The following TBC1D10A variants were observed in gnomAD, a reference collection of about 807,000 sequenced individuals.
TBC1D10A encodes the protein TBC1 domain family member 10A, also known as EBP50-PDX interactor of 64 kDa.
TBC1D10A carries 24 observed loss-of-function variants against 52.9 expected under a neutral mutation model. The observed-to-expected ratio is 0.45, with a 90% CI of 0.33 to 0.64. The LOEUF (loss-of-function observed/expected upper bound fraction) is 0.64, where lower values mean the gene tolerates loss of function less well. Ranked by LOEUF, TBC1D10A falls within the 30% of genes least tolerant of loss-of-function variation. The pLI is 0.02. For synonymous variants in TBC1D10A, 278 were observed against 282.9 expected (o/e 0.98, Z 0.17); for missense variants, 602 against 687.9 (o/e 0.88, Z 1.40).
At chr22:30,294,157 G>T (rs751643740) in intron 6 of TBC1D10A, 47 bp from the exon 7 acceptor site, 2 of 1,598,780 alleles carry the variant, frequency 1.3e-6, no homozygotes, top group Non-Finnish European at 1.7e-6. Context: ...GGCTGCAGGA[G>T]CCAGGGCAGA....
intron 3 of TBC1D10A, chr22:30,298,388 G>C (rs1930129523): frequency 6.6e-6 from 1 of 152,346 alleles, no homozygotes; most frequent in African/African-American, 2.4e-5. Context: ...ACCCCAGCCA[G>C]ACACTCTACC....
chr22:30,326,596 T>G, intron 1 of TBC1D10A, 77 bp downstream of exon 1: 1 of 1,409,936 alleles, frequency 7.1e-7, no homozygotes, highest in Non-Finnish European at 9.5e-7. Flanking sequence ...TGTCGGCAAG[T>G]CCCGAGGGCG....
At chr22:30,317,636 A>G (rs1930567081) in intron 1 of TBC1D10A, among the ~76,000 whole-genome samples, 1 of 152,168 alleles carries the variant, frequency 6.6e-6, no homozygotes, top group African/African-American at 2.4e-5. Context: ...TTTTTTAGAA[A>G]TGGGGTCTCG....
chr22:30,306,413 C>T (rs920628561), intron 1 of TBC1D10A, among the ~76,000 whole-genome samples: 3 of 152,184 alleles, frequency 2.0e-5, no homozygotes, highest in African/African-American at 4.8e-5. Context: ...GCCCATTCTC[C>T]CAACTGCAGA....
chr22:30,320,977 G>T (rs1930639918), intron 1 of TBC1D10A, among the ~76,000 whole-genome samples: 1 of 152,184 alleles, frequency 6.6e-6, no homozygotes, highest in Admixed American at 6.5e-5. Context: ...TTGGGTGGCT[G>T]GGCCACAGCC....
chr22:30,293,544 C>T (rs1601667399), intron 8 of TBC1D10A, 107 bp downstream of exon 8: 1 of 1,477,388 alleles, frequency 6.8e-7, no homozygotes, highest in Admixed American at 1.9e-5. Context: ...AGCAATGGTC[C>T]TGGCATAGGA....
chr22:30,293,316 G>T (rs1237926641), intron 8 of TBC1D10A: 3 of 615,840 alleles, frequency 4.9e-6, no homozygotes, highest in Middle Eastern at 5.2e-4. Context: ...CCACCTAATT[G>T]CCCCTGAGAG....
intron 1 of TBC1D10A, among the ~76,000 whole-genome samples, chr22:30,306,110 A>G (rs1305422218): frequency 6.6e-6 from 1 of 152,222 alleles, no homozygotes; most frequent in Non-Finnish European, 1.5e-5. Context: ...GATACCTTCC[A>G]CCACCTATAA....
chr22:30,302,417 G>T (rs2145769689), intron 2 of TBC1D10A, among the ~76,000 whole-genome samples: 1 of 152,302 alleles, frequency 6.6e-6, no homozygotes, highest in East Asian at 1.9e-4. Flanking sequence ...GACATGGCTG[G>T]GAGTCTCCGG....
rs145391263 is a variant in TBC1D10A at position 30,309,957 on chromosome 22, G to A, written c.210-5327C>T. Among the ~76,000 whole-genome samples the A allele has an allele frequency of 3.5e-3, 531 of 152,278 alleles. 5 individuals carry two copies. Among genetic ancestry groups the A allele is most frequent in the Non-Finnish European group, 2.6e-3 (175 of 68,020 alleles). On this transcript the variant is annotated intron_variant, in intron 1 of 8. Coordinates refer to ENST00000215790, the MANE Select transcript of TBC1D10A (RefSeq NM_031937.3). Reference sequence around the variant, plus strand: ...GATAAATCTTGATACCAAGGAACCCGTCTAAACCCTCCTCCAAGCCTCACT... The same window carrying A: ...GATAAATCTTGATACCAAGGAACCCATCTAAACCCTCCTCCAAGCCTCACT...
intron 1 of TBC1D10A, among the ~76,000 whole-genome samples, chr22:30,321,282 C>A (rs1930647053): frequency 6.6e-6 from 1 of 152,182 alleles, no homozygotes; most frequent in Admixed American, 6.5e-5. Context: ...CAGCCCAGGG[C>A]CCCATATGTA....
chr22:30,311,348 G>A (rs764773245), intron 1 of TBC1D10A, among the ~76,000 whole-genome samples: 77 of 152,280 alleles, frequency 5.1e-4, no homozygotes, highest in Non-Finnish European at 9.0e-4. Flanking sequence ...CTGTGAGTTG[G>A]TAGGAAAAAG....
intron 1 of TBC1D10A, among the ~76,000 whole-genome samples, chr22:30,315,202 G>A (rs1439221294): frequency 1.3e-5 from 2 of 152,144 alleles, no homozygotes; most frequent in African/African-American, 2.4e-5. Flanking sequence ...GGAAGAGCAC[G>A]TGAGGGAAGC....
At chr22:30,317,311 G>A (rs571570624) in intron 1 of TBC1D10A, among the ~76,000 whole-genome samples, 10 of 152,314 alleles carry the variant, frequency 6.6e-5, no homozygotes, top group African/African-American at 2.4e-4. Flanking sequence ...GGGAGGCTGA[G>A]GCATGAGAAT....
chr22:30,326,742 G>A lies in TBC1D10A; in HGVS notation c.140C>T (p.Ala47Val). The A allele has an allele frequency of 1.9e-6, 3 of 1,541,844 alleles. No homozygotes were observed. Among genetic ancestry groups the A allele is most frequent in the Non-Finnish European group, 2.6e-6 (3 of 1,142,016 alleles). The change falls in exon 1 of 9, where the codon GCC (alanine) becomes GTC (valine). Residue 47 changes from alanine (A) to valine (V), a missense_variant. Transcript: ENST00000215790. ...ELSSLGSDSE[A>V]NGFAERRIDK... ...GATGCGGCGCTCGGCGAAGCCGTTG[G>A]CCTCCGAGTCAGACCCGAGAGAGCT...
At chr22:30,324,318 C>G (rs1930721318) in intron 1 of TBC1D10A, among the ~76,000 whole-genome samples, 1 of 152,208 alleles carries the variant, frequency 6.6e-6, no homozygotes, top group African/African-American at 2.4e-5. Flanking sequence ...CAGGGACTTA[C>G]TCTTGGCTTT....
Position 30,322,028 on chromosome 22 carries a change from G to A in TBC1D10A, c.209+4645C>T, listed in dbSNP as rs575192406. Among the ~76,000 whole-genome samples the A allele has an allele frequency of 8.8e-5, 13 of 148,220 alleles. 1 individual carries two copies. The South Asian group carries it at 2.8e-3, about 32-fold the overall frequency. ...AGACACGGTCTGTCTCACCCAGACTGGAGTACAGTGGCATGACCTCAACTC... is the reference window on the plus strand; with the variant it reads ...AGACACGGTCTGTCTCACCCAGACTAGAGTACAGTGGCATGACCTCAACTC... On this transcript the variant is annotated intron_variant, in intron 1 of 8. Transcript: ENST00000215790.
In TBC1D10A at chr22:30,304,181, C is replaced by T. The variant is rs111906838; in HGVS notation, c.309+350G>A. ...AAGCACAAAGCAAATGTTCCATACA[C>T]GCTAGTTACTGGCAGTATTGTAAAG... is the stretch of plus-strand genomic sequence containing the variant. On this transcript the variant is annotated intron_variant, in intron 2 of 8. Coordinates refer to ENST00000215790, the MANE Select transcript of TBC1D10A (RefSeq NM_031937.3). Among the ~76,000 whole-genome samples the T allele has an allele frequency of 4.2e-4, 64 of 152,324 alleles. 1 individual carries two copies. Among genetic ancestry groups the T allele is most frequent in the African/African-American group, 1.5e-3 (63 of 41,586 alleles).
intron 1 of TBC1D10A, among the ~76,000 whole-genome samples, chr22:30,317,595 C>T (rs1215526954): frequency 6.6e-6 from 1 of 152,148 alleles, no homozygotes; most frequent in African/African-American, 2.4e-5. Flanking sequence ...TATACAACCA[C>T]ACCTGGTAAC....
Sources: allele counts gnomAD v4.1 joint callset (sites outside exome capture counted in the v4.1 genomes callset), GRCh38; gene constraint gnomAD v4.1.1; transcripts MANE v1.5; gene names NCBI Gene and HGNC (gene_info 2026-07-23, HGNC 2026-07-21).